The following SCHIP1 variants were observed in gnomAD, a reference collection of about 807,000 sequenced individuals.
SCHIP1 encodes schwannomin interacting protein 1, also known as schwannomin-interacting protein 1.
SCHIP1 carries 8 observed loss-of-function variants against 29.7 expected under a neutral mutation model. The observed-to-expected ratio is 0.27, with a 90% CI of 0.16 to 0.49. The LOEUF (loss-of-function observed/expected upper bound fraction) is 0.49, where lower values mean the gene tolerates loss of function less well. Ranked by LOEUF, SCHIP1 falls within the 20% of genes least tolerant of loss-of-function variation. The pLI, the probability that SCHIP1 is intolerant of heterozygous loss-of-function variation, is 0.99. For synonymous variants in SCHIP1, 76 were observed against 94.9 expected (o/e 0.80, Z 1.16); for missense variants, 193 against 294.6 (o/e 0.66, Z 2.52).
chr3:159,703,635 G>A, the SCHIP1 span, among the ~76,000 whole-genome samples: 1 of 152,206 alleles, frequency 6.6e-6, no homozygotes, highest in Non-Finnish European at 1.5e-5. Flanking sequence ...TGAGGCACCA[G>A]TGTCTCAGCA....
chr3:159,798,463 A>C, the SCHIP1 span, among the ~76,000 whole-genome samples: 2 of 152,274 alleles, frequency 1.3e-5, no homozygotes, highest in East Asian at 3.9e-4. Flanking sequence ...TTGTTTTCAT[A>C]ACAGCCAAAC....
chr3:159,349,143 CT>C, the SCHIP1 span, among the ~76,000 whole-genome samples: 5 of 152,094 alleles, frequency 3.3e-5, no homozygotes, highest in African/African-American at 1.2e-4. Context: ...AACATTCATC[CT>C]CAGAGCTACA....
At chr3:159,847,162 G>A (rs1711956625) in intron 1 of SCHIP1, among the ~76,000 whole-genome samples, 2 of 152,148 alleles carry the variant, frequency 1.3e-5, no homozygotes, top group South Asian at 2.1e-4. Flanking sequence ...GTGATGGGGG[G>A]TGGGAAGGAA....
chr3:159,892,092 C>T lies in SCHIP1; in HGVS notation c.590-5C>T, dbSNP rs771015103. The T allele has an allele frequency of 6.2e-7, 1 of 1,609,056 alleles. No individual in the cohort carries two copies. The highest frequency in any genetic ancestry group is 8.5e-7 in the Non-Finnish European group (1 of 1,178,728). On this transcript the variant is annotated splice_region_variant and splice_polypyrimidine_tract_variant and intron_variant, in intron 5 of 6. Transcript: ENST00000445224. ...TGTTTTTAAATGTTCTGTTATTTGC[C>T]ACAGGCTTGAATGAAGAGTTGGTCC...
chr3:159,765,306 T>G, the SCHIP1 span: 1 of 772,630 alleles, frequency 1.3e-6, no homozygotes, highest in Non-Finnish European at 1.9e-6. Context: ...GGGGATAAGG[T>G]TGCTCGGTCT....
At chr3:159,627,459 C>T in the SCHIP1 span, among the ~76,000 whole-genome samples, 11 of 152,170 alleles carry the variant, frequency 7.2e-5, no homozygotes, top group Non-Finnish European at 1.3e-4. Flanking sequence ...AATCCTCACC[C>T]TATGAGGGAA....
chr3:159,826,243 C>T, the SCHIP1 span, among the ~76,000 whole-genome samples: 1 of 152,040 alleles, frequency 6.6e-6, no homozygotes, highest in Admixed American at 6.6e-5. Context: ...AGCATGAAAC[C>T]ATCAAAATGA....
chr3:159,549,660 G>A, the SCHIP1 span, among the ~76,000 whole-genome samples: 1 of 152,094 alleles, frequency 6.6e-6, no homozygotes, highest in Non-Finnish European at 1.5e-5. Context: ...CCAGAACTGT[G>A]AGAAAATTAA....
intron 2 of SCHIP1, among the ~76,000 whole-genome samples, chr3:159,879,367 A>G (rs986415846): frequency 2.0e-5 from 3 of 151,608 alleles, no homozygotes; most frequent in Non-Finnish European, 2.9e-5. Flanking sequence ...TTCCTAAAGT[A>G]TCAGTGTTGT....
intron 5 of SCHIP1, among the ~76,000 whole-genome samples, chr3:159,889,544 C>G (rs1209422449): frequency 6.6e-6 from 1 of 152,202 alleles, no homozygotes; most frequent in Non-Finnish European, 1.5e-5. Flanking sequence ...AAAGAGAGAA[C>G]ATTCTCACTT....
the SCHIP1 span, among the ~76,000 whole-genome samples, chr3:159,802,786 T>C: frequency 2.2e-4 from 33 of 152,340 alleles, no homozygotes; most frequent in South Asian, 6.0e-3. Context: ...TCTAAAATGC[T>C]AGGACTTCAG....
At chr3:159,642,224 A>C in the SCHIP1 span, among the ~76,000 whole-genome samples, 1 of 152,166 alleles carries the variant, frequency 6.6e-6, no homozygotes, top group Non-Finnish European at 1.5e-5. Flanking sequence ...CTGTAATTTC[A>C]GTGTAGTAAT....
At chr3:159,543,079 A>T in the SCHIP1 span, among the ~76,000 whole-genome samples, 1 of 147,634 alleles carries the variant, frequency 6.8e-6, no homozygotes, top group African/African-American at 2.5e-5. Flanking sequence ...ATATATATAC[A>T]CATGTTTGTG....
At chr3:159,325,953 A>G in the SCHIP1 span, among the ~76,000 whole-genome samples, 1 of 152,098 alleles carries the variant, frequency 6.6e-6, no homozygotes, top group Non-Finnish European at 1.5e-5. Flanking sequence ...TTCTTCTTTA[A>G]TGTTTATGAC....
the SCHIP1 span, among the ~76,000 whole-genome samples, chr3:159,694,093 T>G: frequency 2.0e-5 from 3 of 152,202 alleles, no homozygotes; most frequent in Non-Finnish European, 4.4e-5. Flanking sequence ...TAAGGTTTCC[T>G]TCTTACCATA....
At chr3:159,725,413 C>T in the SCHIP1 span, among the ~76,000 whole-genome samples, 2,498 of 152,040 alleles carry the variant, frequency 0.016, 79 homozygotes, top group African/African-American at 0.058. Context: ...GGACTACAGG[C>T]ACATGCCACT....
chr3:159,443,851 C>T, the SCHIP1 span, among the ~76,000 whole-genome samples: 2 of 152,078 alleles, frequency 1.3e-5, no homozygotes, highest in Non-Finnish European at 2.9e-5. Flanking sequence ...TTTTTGGATT[C>T]TCTGTATGAG....
At chr3:159,554,677 G>A in the SCHIP1 span, among the ~76,000 whole-genome samples, 1 of 152,038 alleles carries the variant, frequency 6.6e-6, no homozygotes, top group Non-Finnish European at 1.5e-5. Flanking sequence ...CTTCTTCTGA[G>A]TGGTCCCTGC....
the SCHIP1 span, among the ~76,000 whole-genome samples, chr3:159,323,392 G>T: frequency 6.6e-6 from 1 of 152,064 alleles, no homozygotes; most frequent in Non-Finnish European, 1.5e-5. Flanking sequence ...AGGCATCTAT[G>T]GTTGTATACC....
Sources: gnomAD v4.1 joint callset for allele counts (sites outside exome capture counted in the v4.1 genomes callset) on GRCh38, gnomAD v4.1.1 for gene constraint, MANE v1.5 for transcripts, NCBI Gene and HGNC (gene_info 2026-07-23, HGNC 2026-07-21) for gene names.